Variants in CERS3 observed in about 807,000 individuals in gnomAD.
CERS3 encodes ceramide synthase 3.
Under a neutral mutation model 50.3 loss-of-function variants are expected in CERS3, and 33 were observed. That is an observed-to-expected ratio of 0.66 (90% CI 0.50 to 0.88). The LOEUF (loss-of-function observed/expected upper bound fraction) is 0.88, where lower values mean the gene tolerates loss of function less well. Ranked by LOEUF, CERS3 falls within the 40% of genes least tolerant of loss-of-function variation. The pLI is 0.00. For missense variants in CERS3, 470 were observed against 460.3 expected, an observed-to-expected ratio of 1.02 and a Z score of -0.19; for synonymous variants, 176 against 155.2, an observed-to-expected ratio of 1.13 and a Z score of -0.99.
At chr15:100,543,225 T>C (rs928975436) in intron 1 of CERS3, among the ~76,000 whole-genome samples, 2 of 152,162 alleles carry the variant, frequency 1.3e-5, no homozygotes, top group East Asian at 1.9e-4. Context: ...TCAGGTCTAA[T>C]TGAGACTGTT....
chr15:100,471,242 T>C (rs2034958397), intron 9 of CERS3, among the ~76,000 whole-genome samples: 1 of 152,228 alleles, frequency 6.6e-6, no homozygotes, highest in Admixed American at 6.5e-5. Flanking sequence ...TTCTTCTTTT[T>C]TTTTTAACCT....
rs541612391 is a variant in CERS3 at position 100,538,812 on chromosome 15, G to A, written c.-355+5839C>T. Among the ~76,000 whole-genome samples, 288 of 152,212 alleles carry A rather than the reference G, an allele frequency of 1.9e-3. 3 individuals are homozygous for A. The highest frequency in any genetic ancestry group is 6.5e-3 in the African/African-American group (269 of 41,526). On this transcript the variant is annotated intron_variant, in intron 1 of 12. Transcript: ENST00000284382. Reference sequence around the variant, plus strand: ...AATTTCTGCAGCCAGCTTGAATATCGCCTCAGAAAATAGTTTTTTCTTTTC... The same window carrying A: ...AATTTCTGCAGCCAGCTTGAATATCACCTCAGAAAATAGTTTTTTCTTTTC...
At chr15:100,415,989 G>T (rs1407563032) in intron 11 of CERS3, among the ~76,000 whole-genome samples, 1 of 151,884 alleles carries the variant, frequency 6.6e-6, no homozygotes, top group Non-Finnish European at 1.5e-5. Context: ...AATCACAGAT[G>T]ACAAAAACAA....
intron 11 of CERS3, among the ~76,000 whole-genome samples, chr15:100,431,795 G>A (rs1346135000): frequency 6.6e-6 from 1 of 152,160 alleles, no homozygotes; most frequent in Non-Finnish European, 1.5e-5. Context: ...GTTGGGACCT[G>A]GCTGTATTTT....
chr15:100,453,402 T>C (rs1567628004), intron 11 of CERS3, among the ~76,000 whole-genome samples: 1 of 152,172 alleles, frequency 6.6e-6, no homozygotes, highest in African/African-American at 2.4e-5. Flanking sequence ...ATAAAATCTA[T>C]ATGATCATCT....
chr15:100,470,993 C>T (rs1032706369), intron 9 of CERS3, among the ~76,000 whole-genome samples: 12 of 152,288 alleles, frequency 7.9e-5, no homozygotes, highest in East Asian at 3.9e-4. Context: ...AACCCTAAAA[C>T]ACACTATTCA....
chr15:100,441,769 C>G (rs1302106414), intron 11 of CERS3, among the ~76,000 whole-genome samples: 1 of 150,578 alleles, frequency 6.6e-6, no homozygotes, highest in Non-Finnish European at 1.5e-5. Flanking sequence ...GTCTGAGGTG[C>G]CTGACGTCCA....
intron 8 of CERS3, among the ~76,000 whole-genome samples, chr15:100,473,732 A>C (rs1596723468): frequency 6.6e-6 from 1 of 152,252 alleles, no homozygotes. Context: ...TTTGTTAAAC[A>C]GTCTGACAGT....
intron 3 of CERS3, among the ~76,000 whole-genome samples, chr15:100,497,186 T>G (rs921771128): frequency 3.3e-5 from 5 of 151,812 alleles, no homozygotes; most frequent in Non-Finnish European, 5.9e-5. Context: ...ATGGGAGTAG[T>G]GCATGGGGAA....
intron 4 of CERS3, among the ~76,000 whole-genome samples, chr15:100,486,973 G>A (rs190245330): frequency 3.9e-5 from 6 of 152,094 alleles, no homozygotes; most frequent in Admixed American, 6.5e-5. Context: ...TTTATGAGTC[G>A]AAGCTTTTTT....
At chr15:100,450,131 A>C (rs1487387519) in intron 11 of CERS3, among the ~76,000 whole-genome samples, 1 of 152,154 alleles carries the variant, frequency 6.6e-6, no homozygotes, top group Non-Finnish European at 1.5e-5. Context: ...TTAAAAATAG[A>C]CTAGATTGGC....
At chr15:100,433,009 T>C (rs2033210775) in intron 11 of CERS3, among the ~76,000 whole-genome samples, 1 of 151,952 alleles carries the variant, frequency 6.6e-6, no homozygotes, top group South Asian at 2.1e-4. Flanking sequence ...GGCTGAGGTG[T>C]GTGGATCATG....
At chr15:100,449,806 A>T (rs1386313237) in intron 11 of CERS3, among the ~76,000 whole-genome samples, 5 of 150,016 alleles carry the variant, frequency 3.3e-5, no homozygotes, top group African/African-American at 9.8e-5. Context: ...ATGTGTAGAT[A>T]TCAATTTAAG....
chr15:100,503,039 G>T (rs1471357041), intron 2 of CERS3, among the ~76,000 whole-genome samples: 1 of 152,198 alleles, frequency 6.6e-6, no homozygotes, highest in East Asian at 1.9e-4. Flanking sequence ...ATGTAAATTA[G>T]ATGTTTTAAT....
intron 5 of CERS3, among the ~76,000 whole-genome samples, chr15:100,483,367 T>C (rs2654638): frequency 0.98 from 149,932 of 152,308 alleles, 73,841 homozygotes; most frequent in East Asian, 1. Flanking sequence ...TGTTACCCCC[T>C]TCTTAAAATC....
intron 9 of CERS3, among the ~76,000 whole-genome samples, chr15:100,472,648 C>T (rs967124310): frequency 2.0e-5 from 3 of 152,192 alleles, no homozygotes; most frequent in Non-Finnish European, 2.9e-5. Flanking sequence ...CTTCAAATAT[C>T]CCATCTTACT....
chr15:100,455,904 T>C lies in CERS3; in HGVS notation c.988A>G (p.Ile330Val). Residue 330 changes from isoleucine (I) to valine (V), a missense_variant, in exon 11 of 12, where the codon ATA becomes GTA. Coordinates refer to ENST00000679737, the MANE Select transcript of CERS3 (RefSeq NM_001378789.1). The stretch of plus-strand genomic sequence containing the variant: ...TGGACAGCCCTTACCTTCATGAATA[T>C]ACATCTGTTGAGCATCTTCAAGATG... ...YYILKMLNRC[I>V]FMKSIQDVRS... The C allele has an allele frequency of 1.2e-6, 2 of 1,609,870 alleles. No individual in the cohort carries two copies. Among genetic ancestry groups the C allele is most frequent in the Non-Finnish European group, 8.5e-7 (1 of 1,178,088 alleles).
intron 2 of CERS3, chr15:100,503,873 G>A (rs2036085363): frequency 5.0e-6 from 2 of 401,602 alleles, no homozygotes; most frequent in Admixed American, 5.5e-5. Flanking sequence ...TCGGGTAGAG[G>A]ATAAAGTGAG....
chr15:100,441,807 C>T (rs956675793), intron 11 of CERS3, among the ~76,000 whole-genome samples: 46 of 151,654 alleles, frequency 3.0e-4, no homozygotes, highest in East Asian at 1.8e-3. Flanking sequence ...CAGTCCCCCC[C>T]AGTCTGTGTT....
Sources: gnomAD v4.1 joint callset for allele counts (sites outside exome capture counted in the v4.1 genomes callset) on GRCh38, gnomAD v4.1.1 for gene constraint, MANE v1.5 for transcripts, NCBI Gene and HGNC (gene_info 2026-07-23, HGNC 2026-07-21) for gene names.